CEP63: variants seen among roughly 807,000 people sequenced by gnomAD.
CEP63 encodes the protein centrosomal protein of 63 kDa.
CEP63 carries 84 observed loss-of-function variants against 89.1 expected under a neutral mutation model. The ratio of observed to expected loss-of-function variants is 0.94; its 90% CI spans 0.79 to 1.13. CEP63 has a LOEUF of 1.13. CEP63 is among the 50% of genes most tolerant of loss of function. The pLI, the probability that CEP63 is intolerant of heterozygous loss-of-function variation, is 0.00. For synonymous variants in CEP63, 267 were observed against 272.5 expected, an observed-to-expected ratio of 0.98 and a Z score of 0.20; for missense variants, 838 against 813.3, an observed-to-expected ratio of 1.03 and a Z score of -0.37.
In CEP63 at chr3:134,564,503, G is replaced by A. The variant is rs1957629093; in HGVS notation, c.*2968G>A. The stretch of plus-strand genomic sequence containing the variant: ...ATCCGCTTTGATTTCTGTCTTTCAG[G>A]GGCTAAGTCCTGCCTACATCCTCAG... On this transcript the variant is annotated 3_prime_UTR_variant, in exon 15 of 15. Coordinates refer to ENST00000675561, the MANE Select transcript of CEP63 (RefSeq NM_001353108.3). The A allele has an allele frequency of 2.0e-6, 2 of 985,222 alleles. No homozygotes were observed. Among genetic ancestry groups the A allele is most frequent in the South Asian group, 9.4e-5 (2 of 21,286 alleles). 61.0% of individuals were successfully genotyped at this position (985,222 alleles called of 1,614,324 possible). A position where few individuals can be genotyped will look rare whatever the true frequency, so the allele number is the denominator to read the frequency against.
intron 1 of CEP63, among the ~76,000 whole-genome samples, chr3:134,490,189 A>C (rs1937132272): frequency 6.6e-6 from 1 of 152,224 alleles, no homozygotes; most frequent in African/African-American, 2.4e-5. Flanking sequence ...TATTAAAAAA[A>C]ACACAAATAT....
intron 12 of CEP63, among the ~76,000 whole-genome samples, chr3:134,556,883 AT>A (rs1271489797): frequency 6.6e-6 from 1 of 152,208 alleles, no homozygotes; most frequent in African/African-American, 2.4e-5. Context: ...GAAGGTAAGC[AT>A]TATCATTTTT....
the CEP63 span, among the ~76,000 whole-genome samples, chr3:134,776,926 G>C: frequency 6.6e-6 from 1 of 152,314 alleles, no homozygotes; most frequent in South Asian, 2.1e-4. Context: ...TTAGGCTGAG[G>C]CTGGTGCTTT....
intron 3 of CEP63, among the ~76,000 whole-genome samples, chr3:134,519,661 C>A (rs1260361156): frequency 1.3e-5 from 2 of 152,138 alleles, no homozygotes; most frequent in Non-Finnish European, 2.9e-5. Flanking sequence ...AAATTACAGG[C>A]CAGTCTTATG....
chr3:134,525,438 T>C (rs1367085398), intron 3 of CEP63, among the ~76,000 whole-genome samples: 1 of 152,254 alleles, frequency 6.6e-6, no homozygotes, highest in Non-Finnish European at 1.5e-5. Flanking sequence ...GAGATGGGTC[T>C]CTTGAAGACA....
At chr3:134,585,653 A>G (rs1306955515) in intron 10 of CEP63, among the ~76,000 whole-genome samples, 1 of 152,182 alleles carries the variant, frequency 6.6e-6, no homozygotes, top group Non-Finnish European at 1.5e-5. Context: ...TGGTGCTGAG[A>G]AGAATGTATA....
At chr3:134,604,270 G>A in the CEP63 span, 18 of 1,613,864 alleles carry the variant, frequency 1.1e-5, no homozygotes, top group African/African-American at 6.7e-5. Flanking sequence ...GCACTTGAGC[G>A]TGTACTCCAG....
At chr3:134,522,513 G>T (rs1947689364) in intron 3 of CEP63, among the ~76,000 whole-genome samples, 1 of 152,100 alleles carries the variant, frequency 6.6e-6, no homozygotes, top group Non-Finnish European at 1.5e-5. Flanking sequence ...GTGTAGGTTT[G>T]TTATATAGGT....
At chr3:134,694,541 GC>G in the CEP63 span, among the ~76,000 whole-genome samples, 1 of 152,206 alleles carries the variant, frequency 6.6e-6, no homozygotes, top group Non-Finnish European at 1.5e-5. Flanking sequence ...GTTTGTCTGT[GC>G]CTGGGCCTGT....
chr3:134,538,555 G>GTATATATATATATATATATA (rs1322990322), intron 6 of CEP63, among the ~76,000 whole-genome samples: 2 of 42,494 alleles, frequency 4.7e-5, no homozygotes, highest in Non-Finnish European at 1.2e-4. Context: ...ATATATATAT[G>GTATATATATATATATATATA]TATATATATA....
At chr3:134,781,127 A>G in the CEP63 span, among the ~76,000 whole-genome samples, 2 of 152,198 alleles carry the variant, frequency 1.3e-5, no homozygotes, top group African/African-American at 4.8e-5. Context: ...TAGCTTTATA[A>G]TAAGTTTTGA....
the CEP63 span, among the ~76,000 whole-genome samples, chr3:134,695,104 C>T: frequency 2.6e-5 from 4 of 152,128 alleles, no homozygotes; most frequent in Non-Finnish European, 5.9e-5. Context: ...CCAGGTCAGC[C>T]GGCCGGGACC....
chr3:134,569,204 T>C (rs1312897154), downstream of CEP63, among the ~76,000 whole-genome samples: 2 of 152,194 alleles, frequency 1.3e-5, no homozygotes, highest in Admixed American at 6.5e-5. Flanking sequence ...CTCTCACATA[T>C]CTTGTGTCCT....
chr3:134,486,782 G>C (rs1267172461), intron 1 of CEP63: 2 of 154,230 alleles, frequency 1.3e-5, no homozygotes. Context: ...AGTACAAGAG[G>C]TACGGAAATG....
the CEP63 span, among the ~76,000 whole-genome samples, chr3:134,711,470 A>G: frequency 6.6e-6 from 1 of 152,156 alleles, no homozygotes; most frequent in African/African-American, 2.4e-5. Flanking sequence ...TGTGGTTACA[A>G]GAGGTCCCTG....
At chr3:134,762,867 C>T in the CEP63 span, among the ~76,000 whole-genome samples, 59 of 152,262 alleles carry the variant, frequency 3.9e-4, 1 homozygote, top group African/African-American at 1.2e-3. Context: ...ACAAAACAAA[C>T]GAACGAACAA....
Position 134,581,833 on chromosome 3 carries a change from G to A in CEP63, c.1207-5625G>A, listed in dbSNP as rs527698952. The stretch of plus-strand genomic sequence containing the variant: ...TGGGACTACAGGCGCCCGCTACCAC[G>A]CCCGGCTAATTTGTTGTATTTTTAG... On this transcript the variant is annotated intron_variant, in intron 10 of 10. Coordinates refer to the CEP63 transcript ENST00000683931. Among the ~76,000 whole-genome samples, 810 of 150,078 alleles carry A rather than the reference G, an allele frequency of 5.4e-3. 7 individuals carry two copies. Among genetic ancestry groups the A allele is most frequent in the African/African-American group, 0.018 (748 of 40,834 alleles).
At chr3:134,779,603 C>G in the CEP63 span, 2 of 152,216 alleles carry the variant, frequency 1.3e-5, no homozygotes, top group Non-Finnish European at 2.9e-5. Context: ...CCCAGCCTCC[C>G]TTTTAGTTGG....
the CEP63 span, among the ~76,000 whole-genome samples, chr3:134,736,592 A>G: frequency 2.0e-4 from 31 of 152,314 alleles, 1 homozygote; most frequent in East Asian, 6.0e-3. Flanking sequence ...TAAAAGAATA[A>G]ATCTAAGAAC....
Sources: allele counts gnomAD v4.1 joint callset (sites outside exome capture counted in the v4.1 genomes callset), GRCh38; gene constraint gnomAD v4.1.1; transcripts MANE v1.5; gene names NCBI Gene and HGNC (gene_info 2026-07-23, HGNC 2026-07-21).